ACOXL: variants seen among roughly 807,000 people sequenced by gnomAD.
ACOXL encodes acyl-CoA oxidase like.
A neutral mutation model predicts 71.9 loss-of-function variants in ACOXL; 70 were observed. The observed-to-expected ratio is 0.97, with a 90% confidence interval of 0.80 to 1.19. The LOEUF is 1.19. Among genes scored for constraint, ACOXL ranks in the 50% most tolerant of loss-of-function variants. ACOXL has a pLI of 0.00. For synonymous variants in ACOXL, 253 were observed against 281.6 expected (o/e 0.90, Z 1.02); for missense variants, 703 against 736.3 (o/e 0.95, Z 0.52).
chr2:110,919,053 G>A (rs2059967794), intron 11 of ACOXL, among the ~76,000 whole-genome samples: 1 of 152,264 alleles, frequency 6.6e-6, no homozygotes, highest in East Asian at 1.9e-4. Context: ...CCATTACTGG[G>A]TATATACCCA....
intron 11 of ACOXL, among the ~76,000 whole-genome samples, chr2:110,922,663 C>T (rs907750169): frequency 6.6e-6 from 1 of 152,134 alleles, no homozygotes; most frequent in Admixed American, 6.5e-5. Context: ...TTTATAAGTG[C>T]TGTGTTACAC....
Position 111,049,293 on chromosome 2 carries a change from G to T in ACOXL, c.1440+5G>T. The T allele has an allele frequency of 1.2e-6, 2 of 1,601,302 alleles. No homozygotes were observed. Among genetic ancestry groups the T allele is most frequent in the Non-Finnish European group, 1.7e-6 (2 of 1,168,476 alleles). On this transcript the variant is annotated splice_donor_5th_base_variant and intron_variant, in intron 16 of 17. Coordinates refer to ENST00000439055, the MANE Select transcript of ACOXL (RefSeq NM_001142807.4). ...GACCAGACTTTGTTAATGAAGGTAG[G>T]TTATCAGATAAAGAACTTATTTCCT...
rs1389293725 is a variant in ACOXL, at chr2:111,049,164, AG to A, written c.1370-51del. 3.7e-6 allele frequency: 5 copies of A among 1,360,202 alleles called. No individual in the cohort carries two copies. The African/African-American group carries it at 7.2e-5, about 20-fold the overall frequency. The allele number at this position is 1,360,202 out of a possible 1,614,324, so 84.3% of individuals were successfully genotyped here. ...CCACAGTGTCCTCCTTCACATCAGA[AG>A]GGCTCTGAGGCGGAAGTGAAGTCAT... On this transcript the variant is annotated intron_variant, in intron 15 of 17. Coordinates refer to ENST00000439055, the MANE Select transcript of ACOXL (RefSeq NM_001142807.4).
intron 16 of ACOXL, among the ~76,000 whole-genome samples, chr2:111,050,651 T>C (rs2066245997): frequency 6.6e-6 from 1 of 152,064 alleles, no homozygotes; most frequent in African/African-American, 2.4e-5. Context: ...CTCTCCCCAT[T>C]TGCAGGAGGT....
intron 2 of ACOXL, 85 bp from the exon 3 acceptor site, chr2:110,784,646 TA>T (rs2105168464): frequency 1.0e-6 from 1 of 977,186 alleles, no homozygotes; most frequent in Admixed American, 2.8e-5. Context: ...ATTATAAAAG[TA>T]ACATGCATTT....
chr2:110,971,502 A>G (rs1003635488), intron 12 of ACOXL, among the ~76,000 whole-genome samples: 6 of 152,250 alleles, frequency 3.9e-5, no homozygotes, highest in African/African-American at 1.2e-4. Context: ...AGAATTTTGT[A>G]AAAAGGTATA....
chr2:110,742,811 A>G (rs556263735), intron 1 of ACOXL, among the ~76,000 whole-genome samples: 3 of 152,340 alleles, frequency 2.0e-5, no homozygotes, highest in African/African-American at 7.2e-5. Flanking sequence ...ACAGGAAAAA[A>G]GCTTCTTGAC....
intron 13 of ACOXL, among the ~76,000 whole-genome samples, chr2:110,989,426 T>C (rs1389513604): frequency 6.6e-6 from 1 of 152,228 alleles, no homozygotes; most frequent in African/African-American, 2.4e-5. Flanking sequence ...ATATCAGAAA[T>C]GTAATTCAGA....
chr2:110,927,486 G>T (rs547042210), intron 11 of ACOXL, among the ~76,000 whole-genome samples: 1 of 151,980 alleles, frequency 6.6e-6, no homozygotes, highest in Non-Finnish European at 1.5e-5. Context: ...TCTTATAGAC[G>T]TCTTTCCCCT....
chr2:110,851,471 A>G (rs1422460262), intron 10 of ACOXL, among the ~76,000 whole-genome samples: 1 of 152,148 alleles, frequency 6.6e-6, no homozygotes, highest in Non-Finnish European at 1.5e-5. Context: ...GTCATTTTCA[A>G]TGAAGGCAGG....
At chr2:110,784,890 C>G in intron 3 of ACOXL, 75 bp downstream of exon 3, 1 of 1,389,910 alleles carries the variant, frequency 7.2e-7, no homozygotes, top group Non-Finnish European at 9.8e-7. Context: ...ACTATAACCC[C>G]GTGAGCTCTC....
chr2:110,960,978 T>TA (rs917300814), intron 12 of ACOXL, among the ~76,000 whole-genome samples: 1 of 152,204 alleles, frequency 6.6e-6, no homozygotes, highest in African/African-American at 2.4e-5. Context: ...GACTAGTTTC[T>TA]AAGTGGGTCA....
At chr2:111,071,268 C>G (rs753634707) in intron 16 of ACOXL, among the ~76,000 whole-genome samples, 14 of 152,190 alleles carry the variant, frequency 9.2e-5, no homozygotes, top group Non-Finnish European at 1.9e-4. Context: ...AACATCCCCC[C>G]TCTTGCCCCA....
At chr2:110,751,202 G>A (rs1391212011) in intron 1 of ACOXL, among the ~76,000 whole-genome samples, 18 of 151,392 alleles carry the variant, frequency 1.2e-4, no homozygotes, top group African/African-American at 2.7e-4. Flanking sequence ...TTGGGAGGCT[G>A]AGGCAGGAGA....
chr2:110,969,590 T>TA (rs1414123362), intron 12 of ACOXL, among the ~76,000 whole-genome samples: 1 of 152,076 alleles, frequency 6.6e-6, no homozygotes, highest in African/African-American at 2.4e-5. Flanking sequence ...GTGGGCAGCT[T>TA]ACCTGAGGTC....
At chr2:110,953,471 T>G (rs1378329594) in intron 12 of ACOXL, among the ~76,000 whole-genome samples, 4 of 152,126 alleles carry the variant, frequency 2.6e-5, no homozygotes, top group African/African-American at 9.7e-5. Flanking sequence ...GAGTGCGTCT[T>G]CTGCAATTGG....
intron 12 of ACOXL, among the ~76,000 whole-genome samples, chr2:110,974,011 C>T (rs761801167): frequency 6.6e-6 from 1 of 152,178 alleles, no homozygotes; most frequent in African/African-American, 2.4e-5. Flanking sequence ...GACTGCCCTG[C>T]GTTGGACCCG....
At chr2:110,741,781 C>A (rs1256695413) in intron 1 of ACOXL, among the ~76,000 whole-genome samples, 2 of 152,130 alleles carry the variant, frequency 1.3e-5, no homozygotes, top group Non-Finnish European at 2.9e-5. Flanking sequence ...TTTGGTTTAA[C>A]CAATCTCTTA....
In ACOXL at chr2:110,913,847, G is replaced by C. The variant is rs1013068881; in HGVS notation, c.905+4942G>C. Reference sequence around the variant, plus strand: ...AGAGTAGGATAGGTACCACACACTTGAAACAATTAGATTTTGTGAGAACTC... The same window carrying C: ...AGAGTAGGATAGGTACCACACACTTCAAACAATTAGATTTTGTGAGAACTC... On this transcript the variant is annotated intron_variant, in intron 11 of 17. Coordinates refer to ENST00000439055, the MANE Select transcript of ACOXL (RefSeq NM_001142807.4). 1.3e-5 allele frequency among the ~76,000 whole-genome samples: 2 copies of C among 152,112 alleles called. 1 individual carries two copies. The highest frequency in any genetic ancestry group is 2.9e-5 in the Non-Finnish European group (2 of 68,012).
Sources: allele counts gnomAD v4.1 joint callset (sites outside exome capture counted in the v4.1 genomes callset), GRCh38; gene constraint gnomAD v4.1.1; transcripts MANE v1.5; gene names NCBI Gene and HGNC (gene_info 2026-07-23, HGNC 2026-07-21).